CCDC149: variants seen among roughly 807,000 people sequenced by gnomAD.
The protein encoded by CCDC149 is coiled-coil domain-containing protein 149.
Under a neutral mutation model 59.9 loss-of-function variants are expected in CCDC149, and 45 were observed. The ratio of observed to expected loss-of-function variants is 0.75; its 90% CI spans 0.59 to 0.96. CCDC149 has a LOEUF of 0.96. Among genes scored for constraint, CCDC149 ranks in the 40% least tolerant of loss-of-function variants. CCDC149 has a pLI of 0.00. For synonymous variants in CCDC149, 245 were observed against 260.6 expected (o/e 0.94, Z 0.58); for missense variants, 584 against 664.7 (o/e 0.88, Z 1.33).
At chr4:24,920,694 A>G (rs1237752705) in intron 1 of CCDC149, among the ~76,000 whole-genome samples, 1 of 152,262 alleles carries the variant, frequency 6.6e-6, no homozygotes, top group African/African-American at 2.4e-5. Flanking sequence ...ACAAGCTGCC[A>G]TAGCAGCAAT....
chr4:24,819,823 G>T, intron 12 of CCDC149, 36 bp downstream of exon 12: 1 of 1,442,860 alleles, frequency 6.9e-7, no homozygotes. Context: ...GGCAGGCACA[G>T]TCCAGGTAAA....
At chr4:24,811,596 G>A (rs1344541665) in intron 12 of CCDC149, among the ~76,000 whole-genome samples, 1 of 152,150 alleles carries the variant, frequency 6.6e-6, no homozygotes, top group African/African-American at 2.4e-5. Flanking sequence ...ACTGGGGCCA[G>A]GCACAGTGGC....
At position 24,884,038 on chromosome 4, in the gene CCDC149, A is replaced by G. The variant is rs139345802; in HGVS notation, c.64-7341T>C. Among the ~76,000 whole-genome samples, 1,047 of 152,330 alleles carry G rather than the reference A, an allele frequency of 6.9e-3. 6 individuals carry two copies. Among genetic ancestry groups the G allele is most frequent in the Non-Finnish European group, 0.011 (769 of 68,032 alleles). On this transcript the variant is annotated intron_variant, in intron 1 of 12. Coordinates refer to ENST00000635206, the MANE Select transcript of CCDC149 (RefSeq NM_001330643.2). ...ACAAGACACTCCTAGAGGTAACCGC[A>G]TAGCTCAGAGAATACATTGTAACTC...
rs570532058 is a variant in CCDC149 at position 24,932,840 on chromosome 4, C to A, written c.-64-37722G>T. On this transcript the variant is annotated intron_variant, in intron 1 of 12. Coordinates refer to the CCDC149 transcript ENST00000389609. ...TCTCACATGTCCACAATCAGAAAAG[C>A]AAAGGTCCTATTCATTTAGAAAGAA... 5.3e-5 allele frequency among the ~76,000 whole-genome samples: 8 copies of A among 152,260 alleles called. No homozygotes were observed. In the East Asian group the frequency reaches 1.5e-3, roughly 29 times the overall value.
intron 1 of CCDC149, among the ~76,000 whole-genome samples, chr4:24,977,025 G>A (rs911188559): frequency 7.9e-5 from 12 of 152,176 alleles, no homozygotes; most frequent in Non-Finnish European, 8.8e-5. Flanking sequence ...TCCAAAGACA[G>A]GCATGCAGGA....
intron 8 of CCDC149, among the ~76,000 whole-genome samples, chr4:24,832,233 A>G (rs1324237659): frequency 6.6e-6 from 1 of 152,260 alleles, no homozygotes; most frequent in African/African-American, 2.4e-5. Flanking sequence ...AACAAAACCA[A>G]TGATTTCACA....
intron 1 of CCDC149, among the ~76,000 whole-genome samples, chr4:24,921,100 T>A (rs1282321482): frequency 6.6e-6 from 1 of 152,198 alleles, no homozygotes; most frequent in Non-Finnish European, 1.5e-5. Flanking sequence ...GCCTGGCACA[T>A]AGTAGGTGCT....
intron 1 of CCDC149, among the ~76,000 whole-genome samples, chr4:24,976,579 G>C (rs966376287): frequency 2.6e-5 from 4 of 152,104 alleles, no homozygotes; most frequent in African/African-American, 9.7e-5. Context: ...TGGGCATGGT[G>C]GTGCATGCCT....
chr4:24,940,527 T>C (rs924003052), intron 1 of CCDC149, among the ~76,000 whole-genome samples: 22 of 152,210 alleles, frequency 1.4e-4, no homozygotes, highest in African/African-American at 5.3e-4. Flanking sequence ...AATGACAGGA[T>C]CAAATTCACA....
intron 1 of CCDC149, among the ~76,000 whole-genome samples, chr4:24,909,150 T>C (rs750607448): frequency 7.2e-5 from 11 of 152,188 alleles, no homozygotes; most frequent in African/African-American, 1.4e-4. Flanking sequence ...CTCTGTAGGA[T>C]TGTTTTAAAT....
chr4:24,862,726 T>A (rs1425266086), intron 3 of CCDC149, among the ~76,000 whole-genome samples: 1 of 152,228 alleles, frequency 6.6e-6, no homozygotes, highest in East Asian at 1.9e-4. Context: ...CTTTCATTAA[T>A]TTCTCCCATA....
At chr4:24,839,552 C>T (rs1716809934) in intron 4 of CCDC149, among the ~76,000 whole-genome samples, 1 of 152,162 alleles carries the variant, frequency 6.6e-6, no homozygotes, top group Admixed American at 6.5e-5. Flanking sequence ...GTTTTAATAT[C>T]CTCAGGAATA....
At chr4:24,853,775 C>G (rs146228098) in intron 3 of CCDC149, among the ~76,000 whole-genome samples, 2 of 152,118 alleles carry the variant, frequency 1.3e-5, no homozygotes, top group African/African-American at 4.8e-5. Context: ...GACCTCAATG[C>G]CTAGAATTTT....
At chr4:24,976,612 C>A (rs528527769) in intron 1 of CCDC149, among the ~76,000 whole-genome samples, 14 of 152,298 alleles carry the variant, frequency 9.2e-5, no homozygotes, top group Admixed American at 7.2e-4. Context: ...ACTCAGGAGG[C>A]TGAGGCAGGA....
intron 1 of CCDC149, among the ~76,000 whole-genome samples, chr4:24,969,283 C>T (rs576464831): frequency 2.6e-5 from 4 of 152,330 alleles, no homozygotes; most frequent in South Asian, 2.1e-4. Flanking sequence ...TATGCATGCG[C>T]TAACAGCTGT....
At position 24,962,183 on chromosome 4, in the gene CCDC149, C is replaced by T. The variant is rs533695741; in HGVS notation, c.-65+17886G>A. 9.5e-4 allele frequency among the ~76,000 whole-genome samples: 144 copies of T among 152,042 alleles called. 2 individuals carry two copies. The South Asian group carries it at 0.024, about 25-fold the overall frequency. ...ACAGACACTTCTCAAAAGAAGACAT[C>T]CATGCAGCCAAAAGACCCATGAAAA... On this transcript the variant is annotated intron_variant, in intron 1 of 12. Coordinates refer to the CCDC149 transcript ENST00000389609.
At chr4:24,861,864 T>C (rs1560223212) in intron 3 of CCDC149, among the ~76,000 whole-genome samples, 1 of 152,166 alleles carries the variant, frequency 6.6e-6, no homozygotes, top group East Asian at 1.9e-4. Flanking sequence ...GGAATCAGGA[T>C]ACACCACCCT....
chr4:24,866,426 C>G (rs1718694885), intron 3 of CCDC149, among the ~76,000 whole-genome samples: 1 of 152,090 alleles, frequency 6.6e-6, no homozygotes, highest in Non-Finnish European at 1.5e-5. Context: ...GAAAATTAAC[C>G]CGAGATAATT....
At chr4:24,875,610 A>C (rs1719365339) in intron 2 of CCDC149, among the ~76,000 whole-genome samples, 1 of 151,542 alleles carries the variant, frequency 6.6e-6, no homozygotes, top group African/African-American at 2.4e-5. Context: ...AATTGGGATT[A>C]CAGGTGTGTC....
Sources: gnomAD v4.1 joint callset for allele counts (sites outside exome capture counted in the v4.1 genomes callset) on GRCh38, gnomAD v4.1.1 for gene constraint, MANE v1.5 for transcripts, NCBI Gene and HGNC (gene_info 2026-07-23, HGNC 2026-07-21) for gene names.